COL21A1: variants seen among roughly 807,000 people sequenced by gnomAD.
COL21A1 encodes collagen alpha-1(XXI) chain.
In COL21A1, 149 loss-of-function variants were observed where a neutral mutation model predicts 137.9. The observed-to-expected ratio is 1.08, with a 90% confidence interval of 0.95 to 1.24. The LOEUF is 1.24. Ranked by LOEUF, COL21A1 falls within the 50% of genes most tolerant of loss-of-function variation. The probability of loss-of-function intolerance (pLI) is 0.00; values close to 1 mark genes in which losing one functional copy is unlikely to be tolerated. For missense variants in COL21A1, 1,167 were observed against 1,158.4 expected, an observed-to-expected ratio of 1.01 and a Z score of -0.11; for synonymous variants, 456 against 391.5, an observed-to-expected ratio of 1.16 and a Z score of -1.95.
chr6:56,228,441 A>G (rs1189300482), intron 1 of COL21A1, among the ~76,000 whole-genome samples: 1 of 151,810 alleles, frequency 6.6e-6, no homozygotes, highest in Non-Finnish European at 1.5e-5. Context: ...AACGTCTTGT[A>G]GATAGTGATG....
intron 1 of COL21A1, among the ~76,000 whole-genome samples, chr6:56,370,995 A>C (rs911526136): frequency 8.5e-5 from 13 of 152,226 alleles, no homozygotes; most frequent in Non-Finnish European, 1.5e-4. Flanking sequence ...AATGCCTTGA[A>C]GAATTGAATG....
chr6:56,307,389 C>G (rs1050448841), intron 1 of COL21A1, among the ~76,000 whole-genome samples: 1 of 152,226 alleles, frequency 6.6e-6, no homozygotes, highest in Non-Finnish European at 1.5e-5. Context: ...AGCTTCCCAG[C>G]TGCTTTGTTT....
intron 1 of COL21A1, among the ~76,000 whole-genome samples, chr6:56,198,644 T>C (rs1320759097): frequency 1.3e-5 from 2 of 152,112 alleles, no homozygotes; most frequent in Admixed American, 6.6e-5. Flanking sequence ...AAGTATTTTA[T>C]ATTAAGAAAC....
chr6:56,289,874 C>T (rs1288049712), intron 1 of COL21A1, among the ~76,000 whole-genome samples: 1 of 152,052 alleles, frequency 6.6e-6, no homozygotes, highest in Non-Finnish European at 1.5e-5. Flanking sequence ...TGTTTGCAAC[C>T]AGTTGCGGTT....
intron 1 of COL21A1, among the ~76,000 whole-genome samples, chr6:56,331,484 G>A (rs1242317396): frequency 1.3e-5 from 2 of 151,812 alleles, no homozygotes; most frequent in Non-Finnish European, 2.9e-5. Context: ...CCAGTTTCAC[G>A]CTTCTGTATA....
chr6:56,332,697 A>G (rs1765257344), intron 1 of COL21A1, among the ~76,000 whole-genome samples: 1 of 151,308 alleles, frequency 6.6e-6, no homozygotes, highest in South Asian at 2.1e-4. Flanking sequence ...TTTTTTTTTA[A>G]CTCCATGTCA....
chr6:56,266,597 G>A (rs1053878498), intron 1 of COL21A1, among the ~76,000 whole-genome samples: 2 of 152,190 alleles, frequency 1.3e-5, no homozygotes, highest in African/African-American at 4.8e-5. Context: ...CTGCTAAAAT[G>A]ACTGCTGTTC....
chr6:56,128,513 C>G (rs1310056683), intron 12 of COL21A1, among the ~76,000 whole-genome samples: 2 of 152,154 alleles, frequency 1.3e-5, no homozygotes, highest in Non-Finnish European at 2.9e-5. Flanking sequence ...GGATGCTGTT[C>G]TAGATGTCAG....
intron 12 of COL21A1, among the ~76,000 whole-genome samples, chr6:56,137,277 T>A (rs942081205): frequency 5.9e-5 from 9 of 152,046 alleles, no homozygotes; most frequent in Non-Finnish European, 1.3e-4. Context: ...TGGACAAAAT[T>A]GATGCAAAAC....
intron 9 of COL21A1, among the ~76,000 whole-genome samples, chr6:56,158,253 C>CTTTTTTTTTTTTTTTTTTT (rs59381031): frequency 9.5e-6 from 1 of 104,908 alleles, no homozygotes; most frequent in Non-Finnish European, 1.8e-5. Flanking sequence ...TGGGTTTTTT[C>CTTTTTTTTTTTTTTTTTTT]TTTTTTTTTT....
intron 1 of COL21A1, among the ~76,000 whole-genome samples, chr6:56,238,912 T>C (rs184065377): frequency 7.9e-4 from 121 of 152,328 alleles, no homozygotes; most frequent in Non-Finnish European, 1.4e-3. Context: ...CCAGCCCTTA[T>C]GCCAAAGGGT....
intron 7 of COL21A1, among the ~76,000 whole-genome samples, chr6:56,166,424 G>A (rs900443771): frequency 2.0e-5 from 3 of 152,024 alleles, no homozygotes; most frequent in Non-Finnish European, 4.4e-5. Context: ...GGCTTAGGCC[G>A]GCGAATCACC....
intron 1 of COL21A1, among the ~76,000 whole-genome samples, chr6:56,265,689 C>A (rs1763376121): frequency 6.6e-6 from 1 of 152,204 alleles, no homozygotes; most frequent in East Asian, 1.9e-4. Context: ...CCTGCCTCCA[C>A]CTACATCTTT....
intron 1 of COL21A1, among the ~76,000 whole-genome samples, chr6:56,193,274 A>T (rs1778812529): frequency 6.6e-6 from 1 of 152,216 alleles, no homozygotes; most frequent in Admixed American, 6.5e-5. Flanking sequence ...ACAAAACTGC[A>T]CATTCTGTTG....
At chr6:56,209,606 G>A (rs967268843) in intron 1 of COL21A1, among the ~76,000 whole-genome samples, 21 of 152,024 alleles carry the variant, frequency 1.4e-4, no homozygotes, top group South Asian at 4.1e-4. Flanking sequence ...TTAGAATGAC[G>A]ATCATTAAAA....
At chr6:56,065,443 G>C (rs1488669994) in intron 23 of COL21A1, among the ~76,000 whole-genome samples, 1 of 152,018 alleles carries the variant, frequency 6.6e-6, no homozygotes, top group African/African-American at 2.4e-5. Context: ...CACTCACTGT[G>C]TGGTAAGAGA....
chr6:56,112,972 C>T (rs1411194676), intron 16 of COL21A1, among the ~76,000 whole-genome samples: 5 of 152,262 alleles, frequency 3.3e-5, no homozygotes, highest in Non-Finnish European at 5.9e-5. Context: ...GCATGAGTCA[C>T]GGCGCTAGGC....
chr6:56,248,840 G>A (rs1254191041), upstream of COL21A1, among the ~76,000 whole-genome samples: 1 of 138,876 alleles, frequency 7.2e-6, no homozygotes, highest in African/African-American at 2.5e-5. Flanking sequence ...TTTGGATTTG[G>A]TAACATCTTC....
intron 1 of COL21A1, among the ~76,000 whole-genome samples, chr6:56,393,244 G>T (rs1000849223): frequency 1.3e-5 from 2 of 152,132 alleles, no homozygotes; most frequent in African/African-American, 4.8e-5. Flanking sequence ...AATATAATTG[G>T]GGAAAGGACA....
Sources: gnomAD v4.1 joint callset for allele counts (sites outside exome capture counted in the v4.1 genomes callset) on GRCh38, gnomAD v4.1.1 for gene constraint, MANE v1.5 for transcripts, NCBI Gene and HGNC (gene_info 2026-07-23, HGNC 2026-07-21) for gene names.